The following DACH1 variants were observed in gnomAD, a reference collection of about 807,000 sequenced individuals.
DACH1 encodes the protein dachshund family transcription factor 1, also known as dachshund homolog 1.
DACH1 carries 12 observed loss-of-function variants against 54.2 expected under a neutral mutation model. The ratio of observed to expected loss-of-function variants is 0.22; its 90% CI spans 0.14 to 0.36. DACH1 has a LOEUF of 0.36. DACH1 is among the 10% of genes least tolerant of loss of function. DACH1 has a pLI of 1.00. For synonymous variants in DACH1, 386 were observed against 366.2 expected, an observed-to-expected ratio of 1.05 and a Z score of -0.62; for missense variants, 805 against 929.8, an observed-to-expected ratio of 0.87 and a Z score of 1.75.
intron 10 of DACH1, among the ~76,000 whole-genome samples, chr13:71,442,453 T>C (rs1874092064): frequency 6.6e-6 from 1 of 152,140 alleles, no homozygotes; most frequent in Admixed American, 6.5e-5. Flanking sequence ...GACAATTAGG[T>C]TGCTTCCAAA....
chr13:71,466,298 A>G (rs1284906978), intron 10 of DACH1, among the ~76,000 whole-genome samples: 2 of 152,056 alleles, frequency 1.3e-5, no homozygotes, highest in Admixed American at 1.3e-4. Context: ...TTTAAGCCCA[A>G]CCACAAACAT....
chr13:71,654,443 A>AG (rs1878927904), intron 2 of DACH1, among the ~76,000 whole-genome samples: 2 of 131,742 alleles, frequency 1.5e-5, no homozygotes, highest in Admixed American at 1.5e-4. Context: ...ATAAAATAAA[A>AG]TAAAATAAAA....
At chr13:71,727,842 A>G in intron 1 of DACH1, among the ~76,000 whole-genome samples, 1 of 152,114 alleles carries the variant, frequency 6.6e-6, no homozygotes, top group East Asian at 1.9e-4. Context: ...TAAGCAAAGT[A>G]GTAAGTAACC....
Position 71,490,597 on chromosome 13 carries a change from G to T in DACH1, c.1571-1449C>A, listed in dbSNP as rs145908995. Among the ~76,000 whole-genome samples, 1,220 of 152,292 alleles carry T rather than the reference G, an allele frequency of 8.0e-3. 9 individuals are homozygous for T. Among genetic ancestry groups the T allele is most frequent in the South Asian group, 0.014 (66 of 4,830 alleles). ...GTAAGCAAACTAAAGTAGGACTCAT[G>T]TTATTTTTCTTTTTAATCACACTTG... On this transcript the variant is annotated intron_variant, in intron 6 of 10. Coordinates refer to ENST00000613252, the MANE Select transcript of DACH1 (RefSeq NM_080759.6).
intron 1 of DACH1, among the ~76,000 whole-genome samples, chr13:71,754,997 T>C (rs1286107744): frequency 1.3e-5 from 2 of 152,184 alleles, no homozygotes; most frequent in Non-Finnish European, 2.9e-5. Flanking sequence ...TATCTCTTCA[T>C]CTTCTCTTTG....
At chr13:71,659,926 T>C (rs974106247) in intron 2 of DACH1, among the ~76,000 whole-genome samples, 1 of 152,154 alleles carries the variant, frequency 6.6e-6, no homozygotes, top group Admixed American at 6.5e-5. Context: ...TTCTGTGTGT[T>C]ATGTGTTGTG....
chr13:71,651,232 T>G (rs1878641538), intron 2 of DACH1, among the ~76,000 whole-genome samples: 1 of 152,020 alleles, frequency 6.6e-6, no homozygotes, highest in African/African-American at 2.4e-5. Context: ...CAGGGCACGG[T>G]GGCTCCTGCC....
Position 71,621,897 on chromosome 13 carries a change from C to A in DACH1, c.1126+8659G>T, listed in dbSNP as rs929822680. Among the ~76,000 whole-genome samples, 12 of 152,010 alleles carry A rather than the reference C, an allele frequency of 7.9e-5. No individual in the cohort carries two copies. In the East Asian group the frequency reaches 1.5e-3, roughly 20 times the overall value. On this transcript the variant is annotated intron_variant, in intron 3 of 10. Coordinates refer to ENST00000613252, the MANE Select transcript of DACH1 (RefSeq NM_080759.6). ...AACAACATTCCTAATCATTATCAAA[C>A]TGGTAATTCTCTCAGCACTGAATGT...
chr13:71,696,892 T>G (rs1249311382), intron 1 of DACH1, among the ~76,000 whole-genome samples: 1 of 152,180 alleles, frequency 6.6e-6, no homozygotes, highest in African/African-American at 2.4e-5. Flanking sequence ...ACTCTGAATA[T>G]ATTTACTATT....
In DACH1 at chr13:71,439,137, G is replaced by C. The variant is rs1235038273; in HGVS notation, c.*1518C>G. On this transcript the variant is annotated 3_prime_UTR_variant, in exon 11 of 11. Transcript: ENST00000613252. ...TTTTAAGCTAGTTTTCTTAGACATTGAAGATTTTGCTGTTTTGTGGTAATA... is the reference window on the plus strand; with the variant it reads ...TTTTAAGCTAGTTTTCTTAGACATTCAAGATTTTGCTGTTTTGTGGTAATA... 1 of 152,370 alleles carries C rather than the reference G, an allele frequency of 6.6e-6. No individual in the cohort carries two copies. Among genetic ancestry groups the C allele is most frequent in the Non-Finnish European group, 1.5e-5 (1 of 67,898 alleles). The allele number at this position is 152,370 out of a possible 1,614,324, so 9.4% of individuals were successfully genotyped here.
chr13:71,483,673 AAGAT>A (rs1347011605), intron 7 of DACH1, among the ~76,000 whole-genome samples: 1 of 151,756 alleles, frequency 6.6e-6, no homozygotes, highest in Admixed American at 6.6e-5. Context: ...TAAAGAACTG[AAGAT>A]AGATAATCAG....
chr13:71,667,798 T>A (rs1243224776), intron 2 of DACH1, among the ~76,000 whole-genome samples: 1 of 152,156 alleles, frequency 6.6e-6, no homozygotes, highest in East Asian at 1.9e-4. Context: ...ATGAATTTCA[T>A]GCTCAAATAA....
At chr13:71,693,010 C>T (rs1237011685) in intron 1 of DACH1, among the ~76,000 whole-genome samples, 1 of 152,084 alleles carries the variant, frequency 6.6e-6, no homozygotes, top group African/African-American at 2.4e-5. Flanking sequence ...CATTACTCAA[C>T]TGGGTTTTAT....
chr13:71,485,660 G>A (rs1878441661), intron 7 of DACH1, among the ~76,000 whole-genome samples: 1 of 135,656 alleles, frequency 7.4e-6, no homozygotes, highest in Non-Finnish European at 1.5e-5. Flanking sequence ...TCTTGGCTCT[G>A]CAACCTCTGC....
rs578056918 is a variant in DACH1, at chr13:71,703,183, AT to A, written c.849-21274del. ...TAATAAGTGCCATGTATTATTCACA[AT>A]TAGCTATTCCCTTCCTGACCTTGCC... On this transcript the variant is annotated intron_variant, in intron 1 of 10. Transcript: ENST00000613252. Among the ~76,000 whole-genome samples, 63 of 152,362 alleles carry A rather than the reference AT, an allele frequency of 4.1e-4. 1 individual carries two copies. In the East Asian group the frequency reaches 8.9e-3, roughly 21 times the overall value.
rs554935795 is a variant in DACH1, at chr13:71,534,337, T to A, written c.1570+22687A>T. ...GCAACAATAAAAGGACAAAAATATT[T>A]AAAAAATAGTTAATTGTCTTTAATA... is the stretch of plus-strand genomic sequence containing the variant. On this transcript the variant is annotated intron_variant, in intron 6 of 10. Coordinates refer to ENST00000613252, the MANE Select transcript of DACH1 (RefSeq NM_080759.6). Among the ~76,000 whole-genome samples, 5 of 152,084 alleles carry A rather than the reference T, an allele frequency of 3.3e-5. No homozygotes were observed. The South Asian group carries it at 6.2e-4, about 19-fold the overall frequency.
chr13:71,499,136 G>GTCAC (rs1879701193), intron 6 of DACH1, among the ~76,000 whole-genome samples: 1 of 149,198 alleles, frequency 6.7e-6, no homozygotes, highest in East Asian at 2.0e-4. Flanking sequence ...CACACACGCA[G>GTCAC]ACACACACAC....
chr13:71,699,620 C>CA (rs1285730619), intron 1 of DACH1, among the ~76,000 whole-genome samples: 1 of 152,084 alleles, frequency 6.6e-6, no homozygotes, highest in Admixed American at 6.6e-5. Flanking sequence ...TATAAACTGT[C>CA]AATGTGAACA....
chr13:71,854,081 C>T (rs1873845066), intron 1 of DACH1, among the ~76,000 whole-genome samples: 1 of 151,904 alleles, frequency 6.6e-6, no homozygotes, highest in Admixed American at 6.6e-5. Flanking sequence ...AAAAAGAGAG[C>T]AAAAAAGTTT....
Sources: allele counts gnomAD v4.1 joint callset (sites outside exome capture counted in the v4.1 genomes callset), GRCh38; gene constraint gnomAD v4.1.1; transcripts MANE v1.5; gene names NCBI Gene and HGNC (gene_info 2026-07-23, HGNC 2026-07-21).